Variants in MACROD2 observed in about 807,000 individuals in gnomAD.
The protein encoded by MACROD2 is mono-ADP ribosylhydrolase 2, also known as ADP-ribose glycohydrolase MACROD2.
MACROD2 carries 36 observed loss-of-function variants against 70.4 expected under a neutral mutation model. The observed-to-expected ratio is 0.51, with a 90% CI of 0.39 to 0.68. The LOEUF (loss-of-function observed/expected upper bound fraction) is 0.68. MACROD2 is among the 30% of genes least tolerant of loss of function. The probability of loss-of-function intolerance (pLI) is 0.00; values close to 1 mark genes in which losing one functional copy is unlikely to be tolerated. For missense variants in MACROD2, 496 were observed against 538.4 expected (o/e 0.92, Z 0.78); for synonymous variants, 172 against 178.8 (o/e 0.96, Z 0.30).
intron 3 of MACROD2, among the ~76,000 whole-genome samples, chr20:14,492,912 T>C (rs2084810744): frequency 6.6e-6 from 1 of 152,038 alleles, no homozygotes; most frequent in Non-Finnish European, 1.5e-5. Context: ...GTGTGCGGGG[T>C]TAATAAATAA....
chr20:15,578,789 T>C (rs1259440201), intron 8 of MACROD2, among the ~76,000 whole-genome samples: 1 of 152,176 alleles, frequency 6.6e-6, no homozygotes, highest in Non-Finnish European at 1.5e-5. Context: ...ACTATGCATC[T>C]TCAGGTACTT....
At chr20:14,703,569 G>A (rs570996151) in intron 5 of MACROD2, among the ~76,000 whole-genome samples, 2 of 152,248 alleles carry the variant, frequency 1.3e-5, no homozygotes, top group East Asian at 3.9e-4. Context: ...CATTAATAGA[G>A]TTGGGCACAG....
chr20:14,740,753 T>TA lies in MACROD2; in HGVS notation c.418+55803dup, dbSNP rs1008760158. ...AGGTATTTGTGGCTAAATGAAAGAT[T>TA]AAAAAAAAACCAGGTCTCTTGGCTT... On this transcript the variant is annotated intron_variant, in intron 5 of 17. Coordinates refer to ENST00000684519, the MANE Select transcript of MACROD2 (RefSeq NM_001351661.2). Among the ~76,000 whole-genome samples, 11 of 151,550 alleles carry TA rather than the reference T, an allele frequency of 7.3e-5. No individual in the cohort carries two copies. The East Asian group carries it at 1.7e-3, about 24-fold the overall frequency.
chr20:15,012,319 G>C (rs2075088902), intron 5 of MACROD2, among the ~76,000 whole-genome samples: 1 of 152,158 alleles, frequency 6.6e-6, no homozygotes, highest in Non-Finnish European at 1.5e-5. Flanking sequence ...CTGAACTGAA[G>C]AAAAATAGTC....
intron 6 of MACROD2, among the ~76,000 whole-genome samples, chr20:15,411,149 T>TACACACAC (rs55750139): frequency 0.093 from 13,373 of 144,092 alleles, 672 homozygotes; most frequent in African/African-American, 0.12. Context: ...GATATGTATT[T>TACACACAC]ACACACACAC....
At chr20:14,305,189 C>T (rs1432370616) in intron 3 of MACROD2, among the ~76,000 whole-genome samples, 2 of 152,136 alleles carry the variant, frequency 1.3e-5, no homozygotes, top group Admixed American at 6.6e-5. Flanking sequence ...CTCAAATGAT[C>T]ACCACTTTAG....
intron 4 of MACROD2, among the ~76,000 whole-genome samples, chr20:14,653,195 C>A (rs569188910): frequency 6.6e-6 from 1 of 151,368 alleles, no homozygotes; most frequent in South Asian, 2.1e-4. Context: ...GGACTATAGG[C>A]ATTCACCAAC....
At chr20:14,760,457 G>A (rs1274018134) in intron 5 of MACROD2, among the ~76,000 whole-genome samples, 1 of 151,928 alleles carries the variant, frequency 6.6e-6, no homozygotes, top group Non-Finnish European at 1.5e-5. Flanking sequence ...ATTATTTTCT[G>A]GCATTTAATA....
intron 6 of MACROD2, among the ~76,000 whole-genome samples, chr20:15,325,494 G>A (rs747946523): frequency 2.0e-4 from 30 of 152,138 alleles, no homozygotes; most frequent in Non-Finnish European, 3.8e-4. Context: ...GATGGTCTAG[G>A]TTTTCAGACA....
intron 4 of MACROD2, among the ~76,000 whole-genome samples, chr20:14,663,704 GA>G (rs1339685175): frequency 6.6e-6 from 1 of 151,824 alleles, no homozygotes; most frequent in Non-Finnish European, 1.5e-5. Context: ...TTAAAAGTTT[GA>G]AAGTATTTTA....
chr20:15,666,866 G>A (rs373782698), intron 8 of MACROD2, among the ~76,000 whole-genome samples: 57 of 140,174 alleles, frequency 4.1e-4, no homozygotes, highest in African/African-American at 1.4e-3. Flanking sequence ...TTTCTCATGG[G>A]GGAAGGGATA....
chr20:14,020,011 C>A (rs2053051587), intron 2 of MACROD2, among the ~76,000 whole-genome samples: 1 of 152,034 alleles, frequency 6.6e-6, no homozygotes, highest in Non-Finnish European at 1.5e-5. Context: ...AAATTTCTTT[C>A]AAAATTAGCT....
chr20:14,533,364 TCA>T (rs1304336822), intron 4 of MACROD2, among the ~76,000 whole-genome samples: 1 of 152,210 alleles, frequency 6.6e-6, no homozygotes, highest in Non-Finnish European at 1.5e-5. Flanking sequence ...TCTTTAAACC[TCA>T]GTTAGTGAAA....
intron 13 of MACROD2, among the ~76,000 whole-genome samples, chr20:15,977,478 G>A (rs1297568646): frequency 2.0e-5 from 3 of 152,222 alleles, no homozygotes; most frequent in Admixed American, 2.0e-4. Context: ...AATATAATGT[G>A]TGGAGTGCTT....
intron 8 of MACROD2, among the ~76,000 whole-genome samples, chr20:15,771,412 G>T (rs1343640506): frequency 2.0e-5 from 3 of 151,056 alleles, no homozygotes; most frequent in Non-Finnish European, 4.4e-5. Context: ...CAAATTCCTG[G>T]GCTCAAGTGA....
In MACROD2 at chr20:14,036,963, A is replaced by G. The variant is rs1020333052; in HGVS notation, c.163+34559A>G. Among the ~76,000 whole-genome samples, 3 of 152,234 alleles carry G rather than the reference A, an allele frequency of 2.0e-5. No individual in the cohort carries two copies. In the East Asian group the frequency reaches 5.8e-4, roughly 29 times the overall value. On this transcript the variant is annotated intron_variant, in intron 2 of 17. Transcript: ENST00000684519. The stretch of plus-strand genomic sequence containing the variant: ...TCCAGCGTTTTGTGGTAAAGTTACA[A>G]TTTTAAATGTAGTTTAAAAATAAAA...
rs112971648 is a variant in MACROD2, at chr20:14,932,855, G to A, written c.418+247896G>A. On this transcript the variant is annotated intron_variant, in intron 5 of 17. Transcript: ENST00000684519. ...TGCTGGGATTACAGGGATGAACCAC[G>A]GCGCCCAGCAAACTCATGTAAAGTT... 1.5e-4 allele frequency among the ~76,000 whole-genome samples: 23 copies of A among 152,100 alleles called. 1 individual carries two copies. Among genetic ancestry groups the A allele is most frequent in the African/African-American group, 4.3e-4 (18 of 41,508 alleles).
chr20:14,740,546 G>T (rs2071720547), intron 5 of MACROD2, among the ~76,000 whole-genome samples: 1 of 152,040 alleles, frequency 6.6e-6, no homozygotes, highest in South Asian at 2.1e-4. Context: ...TTGCATATGT[G>T]AATTATTTCA....
chr20:14,341,588 G>A (rs2083013458), intron 3 of MACROD2, among the ~76,000 whole-genome samples: 1 of 152,202 alleles, frequency 6.6e-6, no homozygotes, highest in Admixed American at 6.5e-5. Flanking sequence ...GCAGTGAGCT[G>A]AGATTGTACC....
Sources: gnomAD v4.1 joint callset for allele counts (sites outside exome capture counted in the v4.1 genomes callset) on GRCh38, gnomAD v4.1.1 for gene constraint, MANE v1.5 for transcripts, NCBI Gene and HGNC (gene_info 2026-07-23, HGNC 2026-07-21) for gene names.